The following UNC5D variants were observed in gnomAD, a reference collection of about 807,000 sequenced individuals.
UNC5D encodes netrin receptor UNC5D.
UNC5D carries 39 observed loss-of-function variants against 105.4 expected under a neutral mutation model. The ratio of observed to expected loss-of-function variants is 0.37; its 90% confidence interval spans 0.29 to 0.48. The LOEUF is 0.48. Ranked by LOEUF, UNC5D falls within the 20% of genes least tolerant of loss-of-function variation. The pLI is 0.98. For synonymous variants in UNC5D, 452 were observed against 450.4 expected (o/e 1.00, Z -0.04); for missense variants, 991 against 1,202.4 (o/e 0.82, Z 2.60).
chr8:35,677,156 TC>T (rs774016850), intron 4 of UNC5D, among the ~76,000 whole-genome samples: 1 of 152,124 alleles, frequency 6.6e-6, no homozygotes, highest in Non-Finnish European at 1.5e-5. Flanking sequence ...AGCTAAATAC[TC>T]TGTAAATTAA....
chr8:35,725,453 AC>A (rs1828808092), intron 9 of UNC5D, among the ~76,000 whole-genome samples: 1 of 152,038 alleles, frequency 6.6e-6, no homozygotes, highest in African/African-American at 2.4e-5. Context: ...CAGAAAGGAA[AC>A]CATTCTAAGC....
chr8:35,510,526 G>T (rs1184310870), intron 1 of UNC5D, among the ~76,000 whole-genome samples: 3 of 152,040 alleles, frequency 2.0e-5, no homozygotes, highest in African/African-American at 7.2e-5. Context: ...AGGCTTCATT[G>T]CTGAGGTTGT....
chr8:35,617,092 G>C (rs1159268217), intron 4 of UNC5D, among the ~76,000 whole-genome samples: 1 of 151,944 alleles, frequency 6.6e-6, no homozygotes, highest in African/African-American at 2.4e-5. Flanking sequence ...ACACCACCCC[G>C]ATTCACTTAG....
intron 4 of UNC5D, among the ~76,000 whole-genome samples, chr8:35,625,246 A>G (rs1821636310): frequency 6.6e-6 from 1 of 152,244 alleles, no homozygotes; most frequent in African/African-American, 2.4e-5. Flanking sequence ...AAAAAATGTT[A>G]GAAATGCGCC....
chr8:35,750,284 C>T (rs1194361954), intron 12 of UNC5D, among the ~76,000 whole-genome samples: 2 of 149,026 alleles, frequency 1.3e-5, no homozygotes, highest in Admixed American at 6.7e-5. Flanking sequence ...CCCCGCCCCC[C>T]AACCCCACCC....
At chr8:35,701,637 C>T (rs1287624185) in intron 7 of UNC5D, among the ~76,000 whole-genome samples, 1 of 152,040 alleles carries the variant, frequency 6.6e-6, no homozygotes, top group Non-Finnish European at 1.5e-5. Context: ...TAGATATATA[C>T]CTCCCCCCTC....
At chr8:35,579,793 C>T (rs1338082557) in intron 3 of UNC5D, among the ~76,000 whole-genome samples, 1 of 152,152 alleles carries the variant, frequency 6.6e-6, no homozygotes, top group Non-Finnish European at 1.5e-5. Flanking sequence ...AGTTTGGGGC[C>T]ATTGAAATGT....
intron 4 of UNC5D, among the ~76,000 whole-genome samples, chr8:35,657,062 G>A (rs1477772583): frequency 1.0e-5 from 1 of 97,222 alleles, no homozygotes; most frequent in Non-Finnish European, 1.9e-5. Context: ...GTGTGTGTGT[G>A]TGTGTGTGTG....
intron 1 of UNC5D, among the ~76,000 whole-genome samples, chr8:35,419,859 A>G (rs927756344): frequency 2.0e-5 from 3 of 152,190 alleles, no homozygotes; most frequent in Non-Finnish European, 4.4e-5. Context: ...TGAGGAAGGC[A>G]GATAAGGGTT....
chr8:35,276,943 G>A (rs866954366), intron 1 of UNC5D, among the ~76,000 whole-genome samples: 3 of 152,172 alleles, frequency 2.0e-5, no homozygotes, highest in Non-Finnish European at 4.4e-5. Flanking sequence ...GACCCATTTG[G>A]ATTAAGTAAA....
At chr8:35,540,291 A>G (rs1352054215) in intron 1 of UNC5D, among the ~76,000 whole-genome samples, 1 of 152,104 alleles carries the variant, frequency 6.6e-6, no homozygotes, top group Non-Finnish European at 1.5e-5. Context: ...TAAATCTTAT[A>G]ATCTTATTCT....
intron 10 of UNC5D, among the ~76,000 whole-genome samples, chr8:35,729,937 C>T (rs1419719268): frequency 2.0e-5 from 3 of 152,262 alleles, no homozygotes; most frequent in Admixed American, 6.5e-5. Flanking sequence ...ATAAGGTTTA[C>T]GTTTTTTGGT....
At chr8:35,327,735 A>G (rs1254478602) in intron 1 of UNC5D, among the ~76,000 whole-genome samples, 1 of 152,182 alleles carries the variant, frequency 6.6e-6, no homozygotes, top group East Asian at 1.9e-4. Flanking sequence ...CTCTCTTCCA[A>G]TCCAGGATGA....
intron 1 of UNC5D, among the ~76,000 whole-genome samples, chr8:35,367,741 G>A (rs535277484): frequency 1.3e-5 from 2 of 152,168 alleles, no homozygotes; most frequent in South Asian, 4.1e-4. Context: ...CAGTTCTTTG[G>A]GTTGCTGGAG....
chr8:35,758,948 G>T (rs968187957), intron 13 of UNC5D, among the ~76,000 whole-genome samples: 1 of 152,200 alleles, frequency 6.6e-6, no homozygotes, highest in Non-Finnish European at 1.5e-5. Flanking sequence ...GATTGAGCAT[G>T]AATGCATCCC....
In UNC5D at chr8:35,547,578, C is replaced by T. The variant is rs571422731; in HGVS notation, c.104-1714C>T. ...CCTCTCAAAGTGTTGGGATTACAGG[C>T]GTAAGCCACCGCGGCCAGTCAGAAC... On this transcript the variant is annotated intron_variant, in intron 1 of 16. Transcript: ENST00000404895. Among the ~76,000 whole-genome samples the T allele has an allele frequency of 3.9e-5, 6 of 152,186 alleles. No individual in the cohort carries two copies. The East Asian group carries it at 1.2e-3, about 29-fold the overall frequency.
At chr8:35,570,816 G>C (rs1344400817) in intron 3 of UNC5D, among the ~76,000 whole-genome samples, 1 of 151,860 alleles carries the variant, frequency 6.6e-6, no homozygotes, top group African/African-American at 2.4e-5. Flanking sequence ...AAATTAGCCA[G>C]GTATGGTGGC....
At chr8:35,626,531 GT>G (rs1343903348) in intron 4 of UNC5D, among the ~76,000 whole-genome samples, 2 of 152,188 alleles carry the variant, frequency 1.3e-5, no homozygotes, top group African/African-American at 4.8e-5. Context: ...TCTGTAAGGT[GT>G]TGCATTTATA....
chr8:35,248,893 A>AAAC (rs1563248395), intron 1 of UNC5D, among the ~76,000 whole-genome samples: 1 of 90,448 alleles, frequency 1.1e-5, no homozygotes, highest in African/African-American at 5.1e-5. Flanking sequence ...ATATTATATA[A>AAAC]ATATATAATA....
Sources: allele counts gnomAD v4.1 joint callset (sites outside exome capture counted in the v4.1 genomes callset), GRCh38; gene constraint gnomAD v4.1.1; transcripts MANE v1.5; gene names NCBI Gene and HGNC (gene_info 2026-07-23, HGNC 2026-07-21).